Variants in MAGEC3 observed in about 807,000 individuals in gnomAD.
The protein encoded by MAGEC3 is melanoma-associated antigen C3.
MAGEC3 carries 34 observed loss-of-function variants against 35.3 expected under a neutral mutation model. The observed-to-expected ratio is 0.96, with a 90% CI of 0.73 to 1.28. MAGEC3 has a LOEUF of 1.28. MAGEC3 is among the 50% of genes most tolerant of loss of function. The probability of loss-of-function intolerance (pLI) is 0.00; values close to 1 mark genes in which losing one functional copy is unlikely to be tolerated. For missense variants in MAGEC3, 561 were observed against 483.6 expected (o/e 1.16, Z -1.50); for synonymous variants, 202 against 185.6 (o/e 1.09, Z -0.72).
intron 1 of MAGEC3, among the ~76,000 whole-genome samples, chrX:141,860,949 C>T (rs1478514734): frequency 1.8e-5 from 2 of 111,720 alleles, no homozygotes; most frequent in East Asian, 2.8e-4. Flanking sequence ...GCATTCGCAG[C>T]AACCTGGATT....
intron 1 of MAGEC3, among the ~76,000 whole-genome samples, chrX:141,862,228 A>G (rs1425681644): frequency 1.8e-5 from 2 of 111,702 alleles, no homozygotes; most frequent in Non-Finnish European, 3.8e-5. Context: ...CAAAACCCCA[A>G]TGAGATATTA....
chrX:141,848,070 G>A (rs1326156379), intron 1 of MAGEC3, among the ~76,000 whole-genome samples: 1 of 109,982 alleles, frequency 9.1e-6, no homozygotes, highest in African/African-American at 3.3e-5. Flanking sequence ...GTATACATAT[G>A]TGTGTGTAGT....
At chrX:141,890,093 T>C (rs1424247714) in intron 4 of MAGEC3, among the ~76,000 whole-genome samples, 1 of 112,122 alleles carries the variant, frequency 8.9e-6, no homozygotes, top group Non-Finnish European at 1.9e-5. Context: ...GGTGCATTTC[T>C]GGTTGTATGA....
intron 4 of MAGEC3, among the ~76,000 whole-genome samples, chrX:141,886,257 A>T (rs1212124350): frequency 1.8e-5 from 2 of 110,245 alleles, no homozygotes; most frequent in African/African-American, 6.8e-5. Context: ...TTCCATGTTA[A>T]GTGGACAAAA....
intron 2 of MAGEC3, among the ~76,000 whole-genome samples, chrX:141,877,312 G>A (rs2017926153): frequency 9.0e-6 from 1 of 110,967 alleles, no homozygotes; most frequent in South Asian, 3.8e-4. Context: ...AGTCTTATTT[G>A]GTTAAAATGT....
At chrX:141,866,432 C>G (rs2124101539) in intron 2 of MAGEC3, among the ~76,000 whole-genome samples, 1 of 111,983 alleles carries the variant, frequency 8.9e-6, no homozygotes, top group East Asian at 2.8e-4. Context: ...ATTTAATTGT[C>G]AAAAAGTAGA....
chrX:141,896,763 G>A lies in MAGEC3; in HGVS notation c.1124-119G>A, dbSNP rs200814022. 89 of 1,205,863 alleles carry A rather than the reference G, an allele frequency of 7.4e-5. No homozygotes were observed. In the East Asian group the frequency reaches 1.8e-3, roughly 25 times the overall value. ...AGGATTCCATAGATGAGGAGGAGGA[G>A]GATGCCTCCTCCACTTCCTCTTCCT... On this transcript the variant is annotated intron_variant, in intron 6 of 7. Transcript: ENST00000298296.
At chrX:141,895,637 A>G (rs1442832070) in intron 6 of MAGEC3, 78 bp downstream of exon 6, 5 of 958,236 alleles carry the variant, frequency 5.2e-6, no homozygotes. Flanking sequence ...ACAGCTTCCC[A>G]GAGATTCCCA....
chrX:141,893,063 A>G (rs2018054662), intron 4 of MAGEC3, among the ~76,000 whole-genome samples: 1 of 112,179 alleles, frequency 8.9e-6, no homozygotes, highest in Non-Finnish European at 1.9e-5. Flanking sequence ...CAATGAATAT[A>G]TAGGAATTTA....
At chrX:141,883,201 T>C (rs1035362726) in intron 4 of MAGEC3, among the ~76,000 whole-genome samples, 2 of 112,298 alleles carry the variant, frequency 1.8e-5, no homozygotes, top group Non-Finnish European at 3.8e-5. Flanking sequence ...TTCCTTGAAA[T>C]GCTGCCCAGA....
chrX:141,858,024 T>G (rs967872375), intron 1 of MAGEC3, among the ~76,000 whole-genome samples: 1 of 111,338 alleles, frequency 9.0e-6, no homozygotes. Context: ...TTAATTTACA[T>G]AAATTAATTT....
At chrX:141,879,102 G>A (rs777449121) in intron 2 of MAGEC3, 73 bp from the exon 3 acceptor site, 194 of 1,102,271 alleles carry the variant, frequency 1.8e-4, no homozygotes, top group Non-Finnish European at 2.2e-4. Context: ...TCCAGGCACA[G>A]CCTCTCGGGA....
intron 3 of MAGEC3, chrX:141,880,877 G>T: frequency 9.4e-7 from 1 of 1,063,218 alleles, no homozygotes; most frequent in African/African-American, 1.8e-5. Flanking sequence ...GAGTTTCTCA[G>T]CTGAGGCCAC....
At chrX:141,847,658 C>T (rs1163096191) in intron 1 of MAGEC3, among the ~76,000 whole-genome samples, 1 of 111,295 alleles carries the variant, frequency 9.0e-6, no homozygotes, top group Non-Finnish European at 1.9e-5. Flanking sequence ...AGAAGAATGT[C>T]TTTAGCTGAA....
At chrX:141,859,077 CTT>C (rs34000383) in intron 1 of MAGEC3, among the ~76,000 whole-genome samples, 15 of 100,138 alleles carry the variant, frequency 1.5e-4, no homozygotes, top group East Asian at 3.2e-4. Flanking sequence ...TTGTTTCTGT[CTT>C]TTTTTTTTTT....
At position 141,896,920 on chromosome X, in the gene MAGEC3, C is replaced by A. The variant is rs369244347; in HGVS notation, c.1162C>A (p.Pro388Thr). ...GCCTGCTGCTGGGATGCCACCTCTT[C>A]CCCAGAGTCCTCCTGAGATTCCTCC... is the stretch of plus-strand genomic sequence containing the variant. ...DMPAAGMPPLPQSPPEIPPQG... is the reference protein window; with the variant it reads ...DMPAAGMPPLTQSPPEIPPQG... The change falls in exon 7 of 8, where the codon CCC (proline) becomes ACC (threonine). Residue 388 changes from proline (P) to threonine (T), a missense_variant. Pro to Thr is a conservative substitution (Grantham distance 38). Transcript: ENST00000298296. The A allele has an allele frequency of 1.2e-4, 145 of 1,180,351 alleles. No homozygotes were observed. The highest frequency in any genetic ancestry group is 1.5e-4 in the Non-Finnish European group (135 of 880,268).
intron 2 of MAGEC3, among the ~76,000 whole-genome samples, chrX:141,873,027 T>A (rs1330107059): frequency 9.0e-6 from 1 of 111,197 alleles, no homozygotes; most frequent in East Asian, 2.9e-4. Context: ...ATGTAAGAAT[T>A]AAAGGAAAAG....
intron 2 of MAGEC3, among the ~76,000 whole-genome samples, chrX:141,871,946 G>A (rs550012467): frequency 2.7e-5 from 3 of 109,297 alleles, no homozygotes; most frequent in East Asian, 5.8e-4. Flanking sequence ...ATGAGCGGGT[G>A]CAGGGGGTTG....
chrX:141,865,357 T>G (rs774040169), intron 1 of MAGEC3, 114 bp from the exon 2 acceptor site: 2 of 690,914 alleles, frequency 2.9e-6, no homozygotes, highest in Non-Finnish European at 4.0e-6. Context: ...ATTTTTTTTC[T>G]CTAATTGCTT....
Sources: allele counts gnomAD v4.1 joint callset (sites outside exome capture counted in the v4.1 genomes callset), GRCh38; gene constraint gnomAD v4.1.1; transcripts MANE v1.5; gene names NCBI Gene and HGNC (gene_info 2026-07-23, HGNC 2026-07-21).